Variants in OSBPL6 observed in about 807,000 individuals in gnomAD.
OSBPL6 encodes oxysterol binding protein like 6.
Under a neutral mutation model 125.8 loss-of-function variants are expected in OSBPL6, and 49 were observed. That is an observed-to-expected ratio of 0.39 (90% CI 0.31 to 0.49). The LOEUF is 0.49. Ranked by LOEUF, OSBPL6 falls within the 20% of genes least tolerant of loss-of-function variation. OSBPL6 has a pLI of 0.88. For missense variants in OSBPL6, 986 were observed against 1,135.4 expected (o/e 0.87, Z 1.89); for synonymous variants, 394 against 391.8 (o/e 1.01, Z -0.07).
chr2:178,301,035 T>C (rs895566993), intron 2 of OSBPL6, among the ~76,000 whole-genome samples: 1 of 152,048 alleles, frequency 6.6e-6, no homozygotes, highest in Non-Finnish European at 1.5e-5. Context: ...AAACATTAAA[T>C]AGAAATTGGA....
chr2:178,348,718 A>C (rs1690956595), intron 11 of OSBPL6, among the ~76,000 whole-genome samples: 1 of 152,326 alleles, frequency 6.6e-6, no homozygotes, highest in East Asian at 1.9e-4. Flanking sequence ...AGTCTCTTTA[A>C]GCCATTACTG....
At chr2:178,319,004 ATAT>A (rs1424691391) in intron 3 of OSBPL6, among the ~76,000 whole-genome samples, 1 of 152,208 alleles carries the variant, frequency 6.6e-6, no homozygotes, top group East Asian at 1.9e-4. Context: ...TGTAAGGTAG[ATAT>A]TATTATCCTC....
chr2:178,314,151 T>C (rs1346672369), intron 3 of OSBPL6, among the ~76,000 whole-genome samples: 1 of 152,218 alleles, frequency 6.6e-6, no homozygotes, highest in Non-Finnish European at 1.5e-5. Context: ...CTTTGAAACA[T>C]AGTGTCAAAT....
Position 178,284,962 on chromosome 2 carries a change from A to G in OSBPL6, c.-315A>G. Reference sequence around the variant, plus strand: ...TTGCTGGGAAAACAGCAACAGAAGGATATTAAGGAGCCACCCCTATAATTT... The same window carrying G: ...TTGCTGGGAAAACAGCAACAGAAGGGTATTAAGGAGCCACCCCTATAATTT... On this transcript the variant is annotated 5_prime_UTR_variant, in exon 2 of 25. Coordinates refer to ENST00000190611, the MANE Select transcript of OSBPL6 (RefSeq NM_032523.4). 2.5e-6 allele frequency: 1 copy of G among 398,406 alleles called. No individual in the cohort carries two copies. The highest frequency in any genetic ancestry group is 4.4e-6 in the Non-Finnish European group (1 of 225,930). The allele number at this position is 398,406 out of a possible 1,614,324, so 24.7% of individuals were successfully genotyped here.
chr2:178,324,307 A>T, intron 4 of OSBPL6, 38 bp downstream of exon 4: 1 of 1,433,096 alleles, frequency 7.0e-7, no homozygotes, highest in East Asian at 2.5e-5. Context: ...TGCTGGCATG[A>T]TGCCTGCTCT....
At chr2:178,334,596 T>G (rs1387919850) in intron 8 of OSBPL6, among the ~76,000 whole-genome samples, 1 of 152,184 alleles carries the variant, frequency 6.6e-6, no homozygotes, top group African/African-American at 2.4e-5. Context: ...TTTGGCTCAC[T>G]GCAACCTCCT....
chr2:178,255,384 G>C (rs2091850960), intron 1 of OSBPL6, among the ~76,000 whole-genome samples: 1 of 152,192 alleles, frequency 6.6e-6, no homozygotes, highest in Admixed American at 6.5e-5. Context: ...AAAACCATCA[G>C]TTCTTGTAAG....
At chr2:178,304,073 G>A (rs1033922351) in intron 2 of OSBPL6, among the ~76,000 whole-genome samples, 12 of 152,046 alleles carry the variant, frequency 7.9e-5, no homozygotes, top group Admixed American at 5.2e-4. Context: ...TCACAGTTCC[G>A]AAGGCTGGGA....
intron 7 of OSBPL6, 53 bp from the exon 8 acceptor site, chr2:178,332,818 G>A (rs1689331407): frequency 6.2e-7 from 1 of 1,609,010 alleles, no homozygotes; most frequent in Non-Finnish European, 8.5e-7. Flanking sequence ...TACACCAGTG[G>A]TAGGCAGGAG....
At chr2:178,386,908 G>A (rs563597257) in intron 19 of OSBPL6, among the ~76,000 whole-genome samples, 153 bp from the exon 20 acceptor site, 1 of 152,050 alleles carries the variant, frequency 6.6e-6, no homozygotes, top group Admixed American at 6.6e-5. Context: ...TTCACCTTGG[G>A]CCATTTGCAG....
intron 11 of OSBPL6, among the ~76,000 whole-genome samples, chr2:178,340,721 C>G (rs932074220): frequency 1.3e-4 from 20 of 152,180 alleles, no homozygotes; most frequent in Non-Finnish European, 1.9e-4. Context: ...GAAAGAAGTA[C>G]TTTTCAGAAT....
chr2:178,288,473 G>T (rs970907719), intron 2 of OSBPL6, among the ~76,000 whole-genome samples: 1 of 152,118 alleles, frequency 6.6e-6, no homozygotes, highest in African/African-American at 2.4e-5. Flanking sequence ...TTAGAAAAAT[G>T]AGTCGCCCAA....
chr2:178,354,662 A>G (rs1559285297), intron 12 of OSBPL6, among the ~76,000 whole-genome samples: 2 of 152,174 alleles, frequency 1.3e-5, no homozygotes, highest in Admixed American at 6.5e-5. Flanking sequence ...CCCACTGTCA[A>G]TATTAGACAG....
Position 178,347,649 on chromosome 2 carries a change from T to G in OSBPL6, c.988-1575T>G, listed in dbSNP as rs180713544. On this transcript the variant is annotated intron_variant, in intron 11 of 24. Transcript: ENST00000190611. ...TATTATTAAGTTACCTGGACAGGAT[T>G]CCAGCAGAGTATTGAACCCCAGCAC... Among the ~76,000 whole-genome samples, 3 of 152,346 alleles carry G rather than the reference T, an allele frequency of 2.0e-5. No individual in the cohort carries two copies. The East Asian group carries it at 5.8e-4, about 29-fold the overall frequency.
intron 1 of OSBPL6, among the ~76,000 whole-genome samples, chr2:178,264,928 A>G (rs1164562560): frequency 6.6e-6 from 1 of 151,882 alleles, no homozygotes; most frequent in Non-Finnish European, 1.5e-5. Context: ...TCTTTTGCCC[A>G]GGCTAGAGTG....
chr2:178,270,640 C>T (rs922798949), intron 1 of OSBPL6, among the ~76,000 whole-genome samples: 2 of 152,136 alleles, frequency 1.3e-5, no homozygotes, highest in Non-Finnish European at 2.9e-5. Flanking sequence ...TTCTATGAGC[C>T]TCACAAAAGT....
At position 178,402,315 on chromosome 2, in the gene OSBPL6, A is replaced by G. The variant is rs527240324; in HGVS notation, c.*6756A>G. ...AAAAATACATTCCTAGAGGCAATCT[A>G]ACCAGCCAGATAACCAGAAGTTTAC... On this transcript the variant is annotated 3_prime_UTR_variant, in exon 25 of 25. Coordinates refer to ENST00000190611, the MANE Select transcript of OSBPL6 (RefSeq NM_032523.4). The G allele has an allele frequency of 6.6e-6, 1 of 152,330 alleles. No homozygotes were observed. Among genetic ancestry groups the G allele is most frequent in the East Asian group, 1.9e-4 (1 of 5,180 alleles). 9.4% of individuals were successfully genotyped at this position (152,330 alleles called of 1,614,324 possible). A position where few individuals can be genotyped will look rare whatever the true frequency, so the allele number is the denominator to read the frequency against.
chr2:178,215,097 T>A (rs2090036441), intron 1 of OSBPL6, among the ~76,000 whole-genome samples: 2 of 150,028 alleles, frequency 1.3e-5, no homozygotes, highest in Admixed American at 1.3e-4. Context: ...AAATTATCCT[T>A]TAAAAAAAAA....
chr2:178,268,896 A>T (rs1203440508), intron 1 of OSBPL6, among the ~76,000 whole-genome samples: 1 of 151,982 alleles, frequency 6.6e-6, no homozygotes, highest in Non-Finnish European at 1.5e-5. Flanking sequence ...CTTCCTGAGC[A>T]TGTTGGCATC....
Sources: allele counts gnomAD v4.1 joint callset (sites outside exome capture counted in the v4.1 genomes callset), GRCh38; gene constraint gnomAD v4.1.1; transcripts MANE v1.5; gene names NCBI Gene and HGNC (gene_info 2026-07-23, HGNC 2026-07-21).